Variants in ADGRB1 observed in about 807,000 individuals in gnomAD.
ADGRB1 encodes the protein brain-specific angiogenesis inhibitor 1.
A neutral mutation model predicts 175.7 loss-of-function variants in ADGRB1; 36 were observed. The ratio of observed to expected loss-of-function variants is 0.20; its 90% CI spans 0.16 to 0.27. The LOEUF (loss-of-function observed/expected upper bound fraction) is 0.27. Among genes scored for constraint, ADGRB1 ranks in the 10% least tolerant of loss-of-function variants. The probability of loss-of-function intolerance (pLI) is 1.00; values close to 1 mark genes in which losing one functional copy is unlikely to be tolerated. For synonymous variants in ADGRB1, 1,054 were observed against 979.4 expected, an observed-to-expected ratio of 1.08 and a Z score of -1.42; for missense variants, 1,731 against 2,255.3, an observed-to-expected ratio of 0.77 and a Z score of 4.71.
chr8:142,456,693 C>CA (rs1362113779), intron 1 of ADGRB1, among the ~76,000 whole-genome samples: 1 of 152,282 alleles, frequency 6.6e-6, no homozygotes, highest in Non-Finnish European at 1.5e-5. Flanking sequence ...TCGCTCCTCC[C>CA]AAATGCTGGG....
intron 1 of ADGRB1, 126 bp from the exon 2 acceptor site, chr8:142,463,854 G>A (rs997420985): frequency 9.3e-6 from 2 of 215,920 alleles, no homozygotes; most frequent in South Asian, 3.7e-4. Context: ...CTGTGTCTGC[G>A]GCCCAAAGTC....
At chr8:142,502,992 G>T (rs1361888984) in intron 17 of ADGRB1, among the ~76,000 whole-genome samples, 1 of 151,676 alleles carries the variant, frequency 6.6e-6, no homozygotes, top group East Asian at 1.9e-4. Flanking sequence ...GATAACACAT[G>T]GAGGGGGTGG....
intron 24 of ADGRB1, among the ~76,000 whole-genome samples, chr8:142,527,887 T>A (rs1844308337): frequency 6.6e-6 from 1 of 152,206 alleles, no homozygotes; most frequent in Non-Finnish European, 1.5e-5. Flanking sequence ...GGAGGTTGAG[T>A]GGCTGATGGA....
chr8:142,450,696 C>G (rs928754537), intron 1 of ADGRB1, among the ~76,000 whole-genome samples: 2 of 152,256 alleles, frequency 1.3e-5, no homozygotes, highest in South Asian at 2.1e-4. Flanking sequence ...GACTCCTTCT[C>G]GAAGCCCTCG....
rs1212146842 is a variant in ADGRB1, at chr8:142,542,361, G to A, written c.4127G>A (p.Arg1376His). 6.3e-7 allele frequency: 1 copy of A among 1,596,456 alleles called. No homozygotes were observed. The highest frequency in any genetic ancestry group is 8.5e-7 in the Non-Finnish European group (1 of 1,172,520). Residue 1376 changes from arginine to histidine, a missense_variant, in exon 28 of 31, where the codon CGC (arginine) becomes CAC (histidine). Arg to His is a conservative substitution (Grantham distance 29). Transcript: ENST00000517894. This position sits in a 1 kb window ranked among gnomAD's most constrained non-coding sequence, Gnocchi z 6.3. ...CACATTGACCAGATGCCGCAGACCCGCCTCATCCACCTCAGCACGGCCCCC... is the reference window on the plus strand; with the variant it reads ...CACATTGACCAGATGCCGCAGACCCACCTCATCCACCTCAGCACGGCCCCC... ...SIHIDQMPQT[R>H]LIHLSTAPEA... is the part of the protein sequence containing the mutation.
At chr8:142,516,811 G>A (rs758990143) in intron 18 of ADGRB1, among the ~76,000 whole-genome samples, 28 of 152,134 alleles carry the variant, frequency 1.8e-4, no homozygotes, top group Non-Finnish European at 3.1e-4. Flanking sequence ...CAGGCATGGC[G>A]GTTCAGCCTG....
At chr8:142,500,076 C>T (rs956312596) in intron 17 of ADGRB1, among the ~76,000 whole-genome samples, 5 of 152,114 alleles carry the variant, frequency 3.3e-5, no homozygotes, top group Non-Finnish European at 5.9e-5. Context: ...GACAGGTCTG[C>T]GACTGGGGCC....
chr8:142,488,656 C>G, intron 14 of ADGRB1, 149 bp downstream of exon 14: 1 of 1,117,414 alleles, frequency 8.9e-7, no homozygotes, highest in Non-Finnish European at 1.2e-6. Context: ...TCCTTGCCCT[C>G]TCTGGGGCCA....
At chr8:142,479,856 C>T (rs1360770604) in intron 9 of ADGRB1, 62 bp downstream of exon 9, 38 of 1,495,052 alleles carry the variant, frequency 2.5e-5, no homozygotes, top group Middle Eastern at 3.6e-4. Context: ...GTGATGCCCA[C>T]GCTGAGGTGC....
intron 17 of ADGRB1, among the ~76,000 whole-genome samples, chr8:142,497,103 G>A (rs185899882): frequency 2.0e-5 from 3 of 152,338 alleles, no homozygotes; most frequent in East Asian, 3.9e-4. Context: ...CAGCTCACAC[G>A]TCTTTATTAA....
intron 11 of ADGRB1, among the ~76,000 whole-genome samples, chr8:142,483,040 A>G (rs949182866): frequency 6.7e-6 from 1 of 149,050 alleles, no homozygotes; most frequent in African/African-American, 2.5e-5. Flanking sequence ...CCCTGGTCAC[A>G]CTGAGCCCTG....
Position 142,488,329 on chromosome 8 carries a change from C to T in ADGRB1, c.2309-35C>T, listed in dbSNP as rs1841797313. 6 of 1,610,772 alleles carry T rather than the reference C, an allele frequency of 3.7e-6. No homozygotes were observed. The Middle Eastern group carries it at 6.6e-4, about 178-fold the overall frequency. ...CCCGCCACATCTGTGACTTTCCCTC[C>T]TCTCTGTCTCTCCCGCCTTTGACCC... On this transcript the variant is annotated intron_variant, in intron 13 of 30. Transcript: ENST00000517894.
intron 24 of ADGRB1, among the ~76,000 whole-genome samples, chr8:142,530,889 CG>C (rs1053619573): frequency 2.0e-5 from 3 of 152,212 alleles, no homozygotes; most frequent in African/African-American, 7.2e-5. Flanking sequence ...CAGCAGCTCC[CG>C]GGCCTTTCTG....
rs945169240 is a variant in ADGRB1 at position 142,455,254 on chromosome 8, G to A, written c.-220+5150G>A. Among the ~76,000 whole-genome samples, 5 of 151,354 alleles carry A rather than the reference G, an allele frequency of 3.3e-5. No homozygotes were observed. Among genetic ancestry groups the A allele is most frequent in the East Asian group, 3.9e-4 (2 of 5,122 alleles). ...CACCTTCCCCCCATCACTCCCACTC[G>A]CCTCAGCAGCACCTGGACACCCCTC... On this transcript the variant is annotated intron_variant, in intron 1 of 30. Transcript: ENST00000517894. This position sits in a 1 kb window ranked among gnomAD's most constrained non-coding sequence, Gnocchi z 4.9.
intron 2 of ADGRB1, among the ~76,000 whole-genome samples, chr8:142,469,638 T>TGTGTATGC: frequency 6.6e-6 from 1 of 151,594 alleles, no homozygotes; most frequent in East Asian, 2.0e-4. Context: ...TGTGTGTATG[T>TGTGTATGC]GCACGTGCGT....
At chr8:142,494,690 A>T (rs1321570002) in intron 17 of ADGRB1, among the ~76,000 whole-genome samples, 1 of 150,978 alleles carries the variant, frequency 6.6e-6, no homozygotes, top group Non-Finnish European at 1.5e-5. Flanking sequence ...GTGTCCCTGC[A>T]CCCCAGCAAC....
chr8:142,508,616 G>A (rs948944284), intron 17 of ADGRB1, among the ~76,000 whole-genome samples: 3 of 152,220 alleles, frequency 2.0e-5, no homozygotes, highest in Admixed American at 1.3e-4. Context: ...TGCGGACGCA[G>A]AACAGCCTGG....
intron 25 of ADGRB1, among the ~76,000 whole-genome samples, chr8:142,535,530 C>T (rs1025978046): frequency 1.1e-4 from 16 of 152,158 alleles, no homozygotes; most frequent in Middle Eastern, 3.2e-3. Context: ...TCCTCAGCCT[C>T]GGGGGTGGTG....
Position 142,471,041 on chromosome 8 carries a change from G to A in ADGRB1, c.785-4433G>A, listed in dbSNP as rs546349321. ...AGTTTGGGACTCCAGGTAGTCTCAT[G>A]GTGACAGGGAGCACCGAGGGGCTTG... On this transcript the variant is annotated intron_variant, in intron 2 of 30. Transcript: ENST00000517894. Among the ~76,000 whole-genome samples the A allele has an allele frequency of 2.6e-5, 4 of 152,284 alleles. No homozygotes were observed. In the East Asian group the frequency reaches 7.7e-4, roughly 30 times the overall value.
Sources: gnomAD v4.1 joint callset for allele counts (sites outside exome capture counted in the v4.1 genomes callset) on GRCh38, gnomAD v4.1.1 for gene constraint, Gnocchi (gnomAD v3.1) non-coding constraint, MANE v1.5 for transcripts, NCBI Gene and HGNC (gene_info 2026-07-23, HGNC 2026-07-21) for gene names.